Variants in MGAT4C observed in about 807,000 individuals in gnomAD.
MGAT4C encodes the protein alpha-1,3-mannosyl-glycoprotein 4-beta-N-acetylglucosaminyltransferase C.
Under a neutral mutation model 40.1 loss-of-function variants are expected in MGAT4C, and 19 were observed. That is an observed-to-expected ratio of 0.47 (90% CI 0.33 to 0.70). MGAT4C has a LOEUF of 0.70. Ranked by LOEUF, MGAT4C falls within the 30% of genes least tolerant of loss-of-function variation. MGAT4C has a pLI of 0.02. For missense variants in MGAT4C, 491 were observed against 563.2 expected (o/e 0.87, Z 1.30); for synonymous variants, 181 against 187.1 (o/e 0.97, Z 0.27).
intron 2 of MGAT4C, among the ~76,000 whole-genome samples, chr12:86,609,852 G>C (rs1267811059): frequency 6.6e-6 from 1 of 151,016 alleles, no homozygotes. Context: ...ATTTAAAGAG[G>C]GATGTAGAAT....
intron 1 of MGAT4C, among the ~76,000 whole-genome samples, chr12:86,090,047 T>C (rs1008983457): frequency 6.6e-6 from 1 of 151,682 alleles, no homozygotes; most frequent in African/African-American, 2.4e-5. Flanking sequence ...TCTCTTCTAT[T>C]TGGGATTAAC....
At chr12:86,660,175 G>A (rs1247671792) in intron 2 of MGAT4C, among the ~76,000 whole-genome samples, 1 of 152,134 alleles carries the variant, frequency 6.6e-6, no homozygotes. Flanking sequence ...TTCCAAAGAA[G>A]TGAAAAGGGA....
At chr12:86,252,613 T>C (rs559368101) in intron 1 of MGAT4C, among the ~76,000 whole-genome samples, 3 of 152,054 alleles carry the variant, frequency 2.0e-5, no homozygotes, top group African/African-American at 7.2e-5. Context: ...ACCAAGACAG[T>C]GAAAAAATTG....
At chr12:86,804,542 G>A (rs1952311071) in intron 1 of MGAT4C, among the ~76,000 whole-genome samples, 1 of 151,680 alleles carries the variant, frequency 6.6e-6, no homozygotes, top group Admixed American at 6.6e-5. Context: ...GTGCTATATT[G>A]TAATTGAAAT....
chr12:86,194,471 T>G (rs1949718923), intron 1 of MGAT4C, among the ~76,000 whole-genome samples: 1 of 151,794 alleles, frequency 6.6e-6, no homozygotes, highest in South Asian at 2.1e-4. Context: ...TTTTTTTTTT[T>G]GAGACAGAGT....
chr12:86,833,547 C>T, intron 1 of MGAT4C, among the ~76,000 whole-genome samples: 1 of 151,822 alleles, frequency 6.6e-6, no homozygotes, highest in East Asian at 1.9e-4. Context: ...CACAGTCTTT[C>T]CTCTGTGTAA....
chr12:86,471,566 G>T (rs1957758475), intron 2 of MGAT4C, among the ~76,000 whole-genome samples: 1 of 152,116 alleles, frequency 6.6e-6, no homozygotes, highest in Admixed American at 6.6e-5. Context: ...GAGGCACAAA[G>T]TAAGAATATG....
At chr12:86,027,230 G>A (rs760584995) in intron 2 of MGAT4C, among the ~76,000 whole-genome samples, 4 of 151,834 alleles carry the variant, frequency 2.6e-5, no homozygotes, top group Admixed American at 2.0e-4. Flanking sequence ...TATTTTCCTG[G>A]CTGTTGGCTC....
intron 1 of MGAT4C, among the ~76,000 whole-genome samples, chr12:86,152,571 C>A (rs1269146450): frequency 1.3e-5 from 2 of 152,218 alleles, no homozygotes; most frequent in South Asian, 4.1e-4. Flanking sequence ...ATTCAAGCCA[C>A]AGCACCCACA....
At chr12:86,622,493 A>T (rs905447525) in intron 2 of MGAT4C, among the ~76,000 whole-genome samples, 3 of 152,180 alleles carry the variant, frequency 2.0e-5, no homozygotes, top group Non-Finnish European at 4.4e-5. Flanking sequence ...GCCATTAATA[A>T]TAATATTTAA....
At chr12:86,803,653 AC>A (rs1952278962) in intron 1 of MGAT4C, among the ~76,000 whole-genome samples, 1 of 150,554 alleles carries the variant, frequency 6.6e-6, no homozygotes, top group African/African-American at 2.4e-5. Context: ...CAGCCAAAAA[AC>A]ACATGAAAAA....
intron 2 of MGAT4C, among the ~76,000 whole-genome samples, chr12:86,623,390 T>TAA (rs1962698607): frequency 1.3e-5 from 2 of 152,070 alleles, no homozygotes; most frequent in South Asian, 4.1e-4. Context: ...TAACAACAGG[T>TAA]CCATCTGACT....
intron 4 of MGAT4C, among the ~76,000 whole-genome samples, chr12:86,296,646 G>A (rs1160479890): frequency 6.6e-6 from 1 of 152,220 alleles, no homozygotes; most frequent in Non-Finnish European, 1.5e-5. Context: ...GCTGGCCCGG[G>A]TGCTAAGCCC....
intron 4 of MGAT4C, among the ~76,000 whole-genome samples, chr12:86,318,949 G>A (rs188382224): frequency 6.6e-6 from 1 of 152,230 alleles, no homozygotes; most frequent in African/African-American, 2.4e-5. Context: ...ATCAAGACAT[G>A]TTTTTAAAGT....
chr12:86,449,787 GACC>G (rs1353422865), intron 2 of MGAT4C, among the ~76,000 whole-genome samples: 4 of 152,110 alleles, frequency 2.6e-5, no homozygotes, highest in African/African-American at 9.7e-5. Context: ...CACATTGCAT[GACC>G]ACCACTAATG....
intron 2 of MGAT4C, among the ~76,000 whole-genome samples, chr12:86,585,735 A>ATCT (rs1960996372): frequency 1.4e-5 from 2 of 144,402 alleles, no homozygotes; most frequent in Non-Finnish European, 1.5e-5. Context: ...ATTTTTTTTA[A>ATCT]TTTTTTTTTT....
At position 86,102,428 on chromosome 12, in the gene MGAT4C, G is replaced by C. The variant is rs535613653; in HGVS notation, c.-56-52705C>G. On this transcript the variant is annotated intron_variant, in intron 1 of 4. Coordinates refer to ENST00000611864, the MANE Select transcript of MGAT4C (RefSeq NM_001351288.2). ...CTAGTGAAAACAAAACAAACGAAAA[G>C]CACAGAAAGTGTATTTACCTTTATG... Among the ~76,000 whole-genome samples the C allele has an allele frequency of 3.8e-4, 57 of 151,916 alleles. 2 individuals carry two copies. In the South Asian group the frequency reaches 0.011, roughly 30 times the overall value.
At chr12:86,198,286 A>G (rs1359656152) in intron 1 of MGAT4C, among the ~76,000 whole-genome samples, 1 of 152,216 alleles carries the variant, frequency 6.6e-6, no homozygotes, top group Non-Finnish European at 1.5e-5. Context: ...TTATCAGTAG[A>G]GTCTGAAGGC....
At chr12:86,162,330 T>C (rs1281761668) in intron 1 of MGAT4C, among the ~76,000 whole-genome samples, 6 of 152,124 alleles carry the variant, frequency 3.9e-5, no homozygotes, top group Admixed American at 2.6e-4. Flanking sequence ...CAGAATGAAA[T>C]CATGTCTTTG....
Sources: allele counts gnomAD v4.1 joint callset (sites outside exome capture counted in the v4.1 genomes callset), GRCh38; gene constraint gnomAD v4.1.1; transcripts MANE v1.5; gene names NCBI Gene and HGNC (gene_info 2026-07-23, HGNC 2026-07-21).